The following CDYL2 variants were observed in gnomAD, a reference collection of about 807,000 sequenced individuals.
The protein encoded by CDYL2 is chromodomain Y like 2.
A neutral mutation model predicts 49.4 loss-of-function variants in CDYL2; 23 were observed. That is an observed-to-expected ratio of 0.47 (90% CI 0.34 to 0.66). The LOEUF (loss-of-function observed/expected upper bound fraction) is 0.66. CDYL2 is among the 30% of genes least tolerant of loss of function. The probability of loss-of-function intolerance (pLI) is 0.01; values close to 1 mark genes in which losing one functional copy is unlikely to be tolerated. For synonymous variants in CDYL2, 360 were observed against 268.8 expected, an observed-to-expected ratio of 1.34 and a Z score of -3.32; for missense variants, 678 against 656.4, an observed-to-expected ratio of 1.03 and a Z score of -0.36.
intron 1 of CDYL2, among the ~76,000 whole-genome samples, chr16:80,731,507 C>A (rs8053926): frequency 1.3e-5 from 2 of 152,074 alleles, no homozygotes; most frequent in Non-Finnish European, 2.9e-5. Flanking sequence ...AGGAACCCCA[C>A]ACAATGACCA....
intron 1 of CDYL2, among the ~76,000 whole-genome samples, chr16:80,782,540 A>AC (rs1477575936): frequency 1.6e-4 from 24 of 150,716 alleles, no homozygotes; most frequent in Non-Finnish European, 3.1e-4. Flanking sequence ...GAAAAAAAAA[A>AC]AAAAAAAAAA....
chr16:80,750,307 TATC>T (rs1304914337), intron 1 of CDYL2, among the ~76,000 whole-genome samples: 2 of 151,164 alleles, frequency 1.3e-5, no homozygotes, highest in South Asian at 2.1e-4. Flanking sequence ...CACCCACAAA[TATC>T]ATCTTGTTCC....
rs182751155 is a variant in CDYL2 at position 80,620,429 on chromosome 16, A to C, written c.1007+334T>G. On this transcript the variant is annotated intron_variant, in intron 4 of 6. Coordinates refer to ENST00000570137, the MANE Select transcript of CDYL2 (RefSeq NM_152342.4). The stretch of plus-strand genomic sequence containing the variant: ...GGGGCGGGAGTAGTGTGGACAACAC[A>C]TGGCCACTACCAGACTCAGGCCTTG... 3.3e-3 allele frequency among the ~76,000 whole-genome samples: 510 copies of C among 152,308 alleles called. 1 individual carries two copies. The highest frequency in any genetic ancestry group is 0.011 in the African/African-American group (462 of 41,566).
At chr16:80,626,160 T>C (rs375682836) in intron 3 of CDYL2, among the ~76,000 whole-genome samples, 51 of 148,462 alleles carry the variant, frequency 3.4e-4, no homozygotes, top group African/African-American at 1.2e-3. Flanking sequence ...TAGCCAGGCA[T>C]GGTGGTGCAT....
intron 1 of CDYL2, among the ~76,000 whole-genome samples, chr16:80,767,852 C>G (rs534079937): frequency 2.6e-5 from 4 of 152,322 alleles, no homozygotes; most frequent in African/African-American, 7.2e-5. Flanking sequence ...TGAGTTGTCA[C>G]CAAGTGGCAC....
intron 1 of CDYL2, among the ~76,000 whole-genome samples, chr16:80,709,621 C>A (rs1904525887): frequency 6.6e-6 from 1 of 151,960 alleles, no homozygotes. Context: ...TGAGCTCCCC[C>A]AGTTCACCAA....
intron 1 of CDYL2, among the ~76,000 whole-genome samples, chr16:80,734,729 T>G (rs1220741519): frequency 6.6e-6 from 1 of 152,184 alleles, no homozygotes; most frequent in Non-Finnish European, 1.5e-5. Flanking sequence ...AGCTTAGGAA[T>G]GCATTCTAGG....
chr16:80,656,769 G>A (rs1031148154), intron 2 of CDYL2, among the ~76,000 whole-genome samples: 3 of 152,144 alleles, frequency 2.0e-5, no homozygotes, highest in East Asian at 3.9e-4. Context: ...TCATCTCTGC[G>A]TATGAGAGGC....
rs553850055 is a variant in CDYL2 at position 80,778,517 on chromosome 16, G to A, written c.24+25633C>T. Among the ~76,000 whole-genome samples, 4 of 151,990 alleles carry A rather than the reference G, an allele frequency of 2.6e-5. No homozygotes were observed. The South Asian group carries it at 8.3e-4, about 32-fold the overall frequency. On this transcript the variant is annotated intron_variant, in intron 1 of 6. Transcript: ENST00000570137. ...CACAAAGGCAACAAAACTCTAAACT[G>A]TCTAACAAACTTAGGATCTGTATCA...
chr16:80,652,092 C>T (rs1293149267), intron 2 of CDYL2, among the ~76,000 whole-genome samples: 1 of 152,196 alleles, frequency 6.6e-6, no homozygotes, highest in Non-Finnish European at 1.5e-5. Context: ...TATTGCCATG[C>T]TCTCTCAGCT....
intron 2 of CDYL2, among the ~76,000 whole-genome samples, chr16:80,651,918 A>G (rs1211573091): frequency 6.6e-6 from 1 of 152,186 alleles, no homozygotes; most frequent in Non-Finnish European, 1.5e-5. Flanking sequence ...TCACTGTGGG[A>G]GTTGGAGTTT....
At chr16:80,690,978 T>C (rs1910392342) in intron 1 of CDYL2, among the ~76,000 whole-genome samples, 1 of 152,186 alleles carries the variant, frequency 6.6e-6, no homozygotes, top group Non-Finnish European at 1.5e-5. Context: ...AAGGGATATC[T>C]TCCCAACACA....
chr16:80,607,270 G>A (rs1906379329), intron 6 of CDYL2, among the ~76,000 whole-genome samples: 1 of 151,256 alleles, frequency 6.6e-6, no homozygotes, highest in Non-Finnish European at 1.5e-5. Context: ...CAGGGATGAG[G>A]CCCAGCAGGA....
chr16:80,756,931 A>G (rs1327703565), intron 1 of CDYL2, among the ~76,000 whole-genome samples: 1 of 152,094 alleles, frequency 6.6e-6, no homozygotes, highest in Non-Finnish European at 1.5e-5. Flanking sequence ...GTTTTTAAAA[A>G]ATAGTCAACT....
At chr16:80,604,661 G>T in intron 6 of CDYL2, 115 bp from the exon 7 acceptor site, 2 of 1,041,348 alleles carry the variant, frequency 1.9e-6, no homozygotes, top group Non-Finnish European at 2.9e-6. Context: ...AGAGAAGGCT[G>T]CCTCCTCCAG....
At position 80,612,234 on chromosome 16, in the gene CDYL2, G is replaced by A. The variant is rs1303899435; in HGVS notation, c.1218+392C>T. On this transcript the variant is annotated intron_variant, in intron 5 of 6. Transcript: ENST00000570137. The surrounding 1 kb of genome is among the most constrained non-coding windows in gnomAD (Gnocchi z 5.0). ...GGAAGTGAGGGCACATTTACTGGACGGGAGACACCTGGGTCCCCAGAGAGT... is the reference window on the plus strand; with the variant it reads ...GGAAGTGAGGGCACATTTACTGGACAGGAGACACCTGGGTCCCCAGAGAGT... 6.6e-5 allele frequency among the ~76,000 whole-genome samples: 10 copies of A among 152,154 alleles called. No individual in the cohort carries two copies. The highest frequency in any genetic ancestry group is 1.9e-4 in the African/African-American group (8 of 41,432).
At chr16:80,735,223 G>C (rs1169179951) in intron 1 of CDYL2, 1 of 152,150 alleles carries the variant, frequency 6.6e-6, no homozygotes, top group Non-Finnish European at 1.5e-5. Flanking sequence ...TGGCAACCAA[G>C]AATAGATCAT....
intron 4 of CDYL2, among the ~76,000 whole-genome samples, chr16:80,615,036 C>A (rs550929117): frequency 6.6e-6 from 1 of 152,058 alleles, no homozygotes; most frequent in Non-Finnish European, 1.5e-5. Context: ...AGGTATCTTA[C>A]GATCTATGTA....
intron 1 of CDYL2, among the ~76,000 whole-genome samples, chr16:80,781,322 T>C (rs1567604920): frequency 6.6e-6 from 1 of 152,070 alleles, no homozygotes; most frequent in Non-Finnish European, 1.5e-5. Context: ...TATTGTTCAA[T>C]CCATCAAGAA....
Sources: allele counts gnomAD v4.1 joint callset (sites outside exome capture counted in the v4.1 genomes callset), GRCh38; gene constraint gnomAD v4.1.1; non-coding constraint Gnocchi (gnomAD v3.1); transcripts MANE v1.5; gene names NCBI Gene and HGNC (gene_info 2026-07-23, HGNC 2026-07-21).